Variants in TBC1D1 observed in about 807,000 individuals in gnomAD.
TBC1D1 encodes the protein TBC1 domain family member 1.
In TBC1D1, 89 loss-of-function variants were observed where a neutral mutation model predicts 125.6. The observed-to-expected ratio is 0.71, with a 90% CI of 0.60 to 0.85. The LOEUF is 0.85. Among genes scored for constraint, TBC1D1 ranks in the 40% least tolerant of loss-of-function variants. The probability of loss-of-function intolerance (pLI) is 0.00; values close to 1 mark genes in which losing one functional copy is unlikely to be tolerated. For missense variants in TBC1D1, 1,377 were observed against 1,469.2 expected, an observed-to-expected ratio of 0.94 and a Z score of 1.03; for synonymous variants, 565 against 564.1, an observed-to-expected ratio of 1.00 and a Z score of -0.02.
intron 2 of TBC1D1, among the ~76,000 whole-genome samples, chr4:37,906,214 T>A (rs1717297028): frequency 1.3e-5 from 2 of 152,088 alleles, no homozygotes; most frequent in Non-Finnish European, 2.9e-5. Context: ...GTGGCCCGAT[T>A]TCGGCTCACT....
Position 37,986,595 on chromosome 4 carries a change from G to A in TBC1D1, c.418-27914G>A, listed in dbSNP as rs562353786. On this transcript the variant is annotated intron_variant, in intron 2 of 19. Transcript: ENST00000261439. ...AGAGTAGCTGGGACTACAGGTGCCCGCCACCGTGCCTGGCTAATTTTTGTA... is the reference window on the plus strand; with the variant it reads ...AGAGTAGCTGGGACTACAGGTGCCCACCACCGTGCCTGGCTAATTTTTGTA... Among the ~76,000 whole-genome samples, 22 of 152,126 alleles carry A rather than the reference G, an allele frequency of 1.4e-4. No homozygotes were observed. In the East Asian group the frequency reaches 2.1e-3, roughly 15 times the overall value.
At chr4:37,900,000 A>T (rs923906530) in intron 1 of TBC1D1, among the ~76,000 whole-genome samples, 5 of 152,120 alleles carry the variant, frequency 3.3e-5, no homozygotes, top group Non-Finnish European at 5.9e-5. Context: ...AGGCGCCTGT[A>T]GTCCCAGCTA....
chr4:37,975,498 C>G (rs375524044), intron 2 of TBC1D1, among the ~76,000 whole-genome samples: 8 of 152,150 alleles, frequency 5.3e-5, no homozygotes, highest in South Asian at 2.1e-4. Flanking sequence ...CTTCTCTAAA[C>G]TCCCCCGGGG....
chr4:37,986,688 T>C (rs970827461), intron 2 of TBC1D1, among the ~76,000 whole-genome samples: 4 of 152,274 alleles, frequency 2.6e-5, no homozygotes, highest in South Asian at 4.1e-4. Flanking sequence ...TCAAGTGATC[T>C]GCCTGCCTCA....
At chr4:38,123,960 C>G (rs888212455) in intron 17 of TBC1D1, among the ~76,000 whole-genome samples, 1 of 152,080 alleles carries the variant, frequency 6.6e-6, no homozygotes, top group African/African-American at 2.4e-5. Flanking sequence ...AGAGAGGCAC[C>G]CTGCAAGGTT....
intron 7 of TBC1D1, among the ~76,000 whole-genome samples, chr4:38,034,546 T>C (rs181437420): frequency 6.6e-6 from 1 of 152,338 alleles, no homozygotes; most frequent in East Asian, 1.9e-4. Flanking sequence ...TTGCTTTGAA[T>C]GCTTATTATG....
Position 37,919,099 on chromosome 4 carries a change from A to AC in TBC1D1, c.417+16587_417+16588insC, listed in dbSNP as rs201342114. ...CGCCCCCATCTTTAAAAAAAAAAAA[A>AC]AACTGGAAATGTACAGTTTGAAAAT... On this transcript the variant is annotated intron_variant, in intron 2 of 19. Transcript: ENST00000261439. Among the ~76,000 whole-genome samples the AC allele has an allele frequency of 5.4e-4, 82 of 151,714 alleles. 1 individual carries two copies. In the East Asian group the frequency reaches 0.016, roughly 29 times the overall value.
intron 2 of TBC1D1, among the ~76,000 whole-genome samples, chr4:37,986,487 C>G (rs1735477682): frequency 6.6e-6 from 1 of 152,054 alleles, no homozygotes; most frequent in Non-Finnish European, 1.5e-5. Flanking sequence ...GCTCTGTTGC[C>G]CAGGCTGGAT....
intron 17 of TBC1D1, among the ~76,000 whole-genome samples, chr4:38,123,053 T>C (rs1764110885): frequency 6.6e-6 from 1 of 152,208 alleles, no homozygotes; most frequent in Non-Finnish European, 1.5e-5. Flanking sequence ...ACCACTGATG[T>C]GGATTCTGTA....
chr4:38,051,881 T>C lies in TBC1D1; in HGVS notation c.1910+1983T>C. On this transcript the variant is annotated intron_variant, in intron 11 of 19. Coordinates refer to ENST00000261439, the MANE Select transcript of TBC1D1 (RefSeq NM_015173.4). ...CTCTCCTGCTAACCCCCCCGTGCTT[T>C]CTCTGATTGCTGTTTAGTGTGGATC... 6.5e-7 allele frequency: 1 copy of C among 1,541,012 alleles called. No homozygotes were observed. Among genetic ancestry groups the C allele is most frequent in the Non-Finnish European group, 8.8e-7 (1 of 1,140,872 alleles).
intron 18 of TBC1D1, among the ~76,000 whole-genome samples, chr4:38,127,094 A>G (rs1482812917): frequency 2.0e-5 from 3 of 151,890 alleles, no homozygotes; most frequent in East Asian, 1.9e-4. Context: ...ACTGAGGGCT[A>G]TATCCACTAC....
rs749278651 is a variant in TBC1D1, at chr4:38,118,167, G to T, written c.2937G>T (p.Pro979=). Residue 979 remains proline, a synonymous_variant, in exon 17 of 20, where the codon CCG becomes CCT. Coordinates refer to ENST00000261439, the MANE Select transcript of TBC1D1 (RefSeq NM_015173.4). The stretch of plus-strand genomic sequence containing the variant: ...TCACCATGTTTGCCTCACAGTTCCC[G>T]CTGGGATTCGTAGCCAGAGTCTTTG... 1.4e-5 allele frequency: 23 copies of T among 1,614,150 alleles called. No individual in the cohort carries two copies. The highest frequency in any genetic ancestry group is 3.3e-5 in the Admixed American group (2 of 60,014).
rs75403655 is a variant in TBC1D1 at position 38,087,046 on chromosome 4, A to C, written c.2051-2886A>C. On this transcript the variant is annotated intron_variant, in intron 12 of 19. Transcript: ENST00000261439. ...TATTTGTTTTAGCTGGAAAATGGAGATCATAATATCACCTGTCCTATGAGA... is the reference window on the plus strand; with the variant it reads ...TATTTGTTTTAGCTGGAAAATGGAGCTCATAATATCACCTGTCCTATGAGA... 1.9e-3 allele frequency among the ~76,000 whole-genome samples: 286 copies of C among 152,276 alleles called. 2 individuals are homozygous for C. Among genetic ancestry groups the C allele is most frequent in the African/African-American group, 6.6e-3 (276 of 41,550 alleles).
At chr4:38,110,465 T>C (rs769094638) in intron 15 of TBC1D1, 410 of 985,236 alleles carry the variant, frequency 4.2e-4, no homozygotes, top group Non-Finnish European at 4.7e-4. Context: ...TGGAAGAACA[T>C]CCGTTAGATG....
At chr4:38,018,125 T>G (rs561447596) in intron 3 of TBC1D1, among the ~76,000 whole-genome samples, 1 of 151,888 alleles carries the variant, frequency 6.6e-6, no homozygotes, top group East Asian at 1.9e-4. Flanking sequence ...TGCTAACTTT[T>G]GGATATCTGG....
At position 38,114,896 on chromosome 4, in the gene TBC1D1, T is replaced by C. The variant is rs1762719556; in HGVS notation, c.2558-814T>C. On this transcript the variant is annotated intron_variant, in intron 15 of 19. Coordinates refer to ENST00000261439, the MANE Select transcript of TBC1D1 (RefSeq NM_015173.4). ...TGAAAGTACGGAGATATGCATGTGG[T>C]ATGAAGCATTTGCAGGCATAATATG... Among the ~76,000 whole-genome samples the C allele has an allele frequency of 3.3e-5, 5 of 152,048 alleles. No individual in the cohort carries two copies. In the South Asian group the frequency reaches 1.0e-3, roughly 31 times the overall value.
chr4:37,960,424 A>C, intron 2 of TBC1D1: 2 of 1,605,560 alleles, frequency 1.2e-6, no homozygotes. Flanking sequence ...TGAGAGCGGC[A>C]ATAATCCAGA....
chr4:38,039,555 C>T (rs965497377), intron 8 of TBC1D1, among the ~76,000 whole-genome samples: 2 of 152,082 alleles, frequency 1.3e-5, no homozygotes, highest in Non-Finnish European at 2.9e-5. Context: ...GTAGTTTGTT[C>T]CTTTTTGTTC....
intron 2 of TBC1D1, among the ~76,000 whole-genome samples, chr4:37,931,352 C>T (rs2152289166): frequency 6.6e-6 from 1 of 152,246 alleles, no homozygotes; most frequent in East Asian, 1.9e-4. Context: ...CTGCCTCGGC[C>T]TCCCAAAGTG....
Sources: allele counts gnomAD v4.1 joint callset (sites outside exome capture counted in the v4.1 genomes callset), GRCh38; gene constraint gnomAD v4.1.1; transcripts MANE v1.5; gene names NCBI Gene and HGNC (gene_info 2026-07-23, HGNC 2026-07-21).